WWOX: variants seen among roughly 807,000 people sequenced by gnomAD.
The protein encoded by WWOX is WW domain-containing oxidoreductase.
In WWOX, 69 loss-of-function variants were observed where a neutral mutation model predicts 46.2. The observed-to-expected ratio is 1.49, with a 90% CI of 1.23 to 1.82. The LOEUF (loss-of-function observed/expected upper bound fraction) is 1.82. WWOX is among the 40% of genes most tolerant of loss of function. The pLI, the probability that WWOX is intolerant of heterozygous loss-of-function variation, is 0.00. For missense variants in WWOX, 919 were observed against 542.6 expected, an observed-to-expected ratio of 1.69 and a Z score of -6.89; for synonymous variants, 359 against 202.6, an observed-to-expected ratio of 1.77 and a Z score of -6.56.
rs532134020 is a variant in WWOX, at chr16:78,550,069, G to A, written c.1056+117317G>A. Among the ~76,000 whole-genome samples the A allele has an allele frequency of 2.8e-4, 42 of 152,186 alleles. 1 individual carries two copies. The highest frequency in any genetic ancestry group is 9.6e-4 in the African/African-American group (40 of 41,502). ...ATGGTTGAATGAAGTTACCTGGTAGGGATTTAATCTTTATTTCAAAAAGAG... is the reference window on the plus strand; with the variant it reads ...ATGGTTGAATGAAGTTACCTGGTAGAGATTTAATCTTTATTTCAAAAAGAG... On this transcript the variant is annotated intron_variant, in intron 8 of 8. Coordinates refer to ENST00000566780, the MANE Select transcript of WWOX (RefSeq NM_016373.4).
intron 8 of WWOX, among the ~76,000 whole-genome samples, chr16:78,759,191 C>T (rs1027897634): frequency 2.0e-5 from 3 of 152,032 alleles, no homozygotes; most frequent in Non-Finnish European, 4.4e-5. Flanking sequence ...GAAGATTACA[C>T]GGAGAAGTGT....
intron 8 of WWOX, chr16:79,101,330 G>A (rs1362404394): frequency 1.3e-5 from 2 of 152,146 alleles, no homozygotes; most frequent in Admixed American, 6.5e-5. Flanking sequence ...TGGTCTCTCT[G>A]CTGACACAAG....
chr16:78,464,242 G>C (rs1306961454), intron 8 of WWOX, among the ~76,000 whole-genome samples: 1 of 151,884 alleles, frequency 6.6e-6, no homozygotes, highest in East Asian at 1.9e-4. Flanking sequence ...AAGAGAGGGA[G>C]AGACGGAGGG....
intron 8 of WWOX, among the ~76,000 whole-genome samples, chr16:79,191,783 A>G (rs374622965): frequency 1.3e-5 from 2 of 152,188 alleles, no homozygotes; most frequent in African/African-American, 4.8e-5. Context: ...TGGAAAATCC[A>G]CTGAATAAAT....
At chr16:79,189,075 A>G (rs927201310) in intron 8 of WWOX, among the ~76,000 whole-genome samples, 5 of 152,194 alleles carry the variant, frequency 3.3e-5, no homozygotes, top group Non-Finnish European at 7.3e-5. Flanking sequence ...AGATACGTGT[A>G]TATATAGAGA....
intron 8 of WWOX, among the ~76,000 whole-genome samples, chr16:78,553,882 C>T (rs766506712): frequency 4.0e-5 from 6 of 151,854 alleles, no homozygotes; most frequent in South Asian, 2.1e-4. Context: ...GAGGTTGGAA[C>T]GTGGGAGTTT....
chr16:78,902,869 A>G (rs1190176626), intron 8 of WWOX, among the ~76,000 whole-genome samples: 1 of 152,180 alleles, frequency 6.6e-6, no homozygotes, highest in Non-Finnish European at 1.5e-5. Flanking sequence ...CATCTAAAAT[A>G]CAAGGGAAAA....
At chr16:79,011,318 A>C (rs1231942418) in intron 8 of WWOX, among the ~76,000 whole-genome samples, 1 of 151,838 alleles carries the variant, frequency 6.6e-6, no homozygotes, top group African/African-American at 2.4e-5. Context: ...ACGTAGTATT[A>C]TCTAATATGC....
At chr16:78,991,507 G>A (rs1248132467) in intron 8 of WWOX, among the ~76,000 whole-genome samples, 2 of 151,228 alleles carry the variant, frequency 1.3e-5, no homozygotes, top group East Asian at 3.9e-4. Context: ...AGGCTGAGAT[G>A]GGAAGATGGC....
chr16:78,950,963 C>G (rs944331063), intron 8 of WWOX, among the ~76,000 whole-genome samples: 2 of 152,206 alleles, frequency 1.3e-5, no homozygotes, highest in African/African-American at 4.8e-5. Context: ...CCGGTTCTTT[C>G]CAGCCCCGCT....
chr16:78,970,553 C>T (rs1223367368), intron 8 of WWOX, among the ~76,000 whole-genome samples: 1 of 152,274 alleles, frequency 6.6e-6, no homozygotes, highest in East Asian at 1.9e-4. Flanking sequence ...TATAGACCCT[C>T]ACCAAGTATG....
intron 5 of WWOX, among the ~76,000 whole-genome samples, chr16:78,326,902 T>A (rs2080635732): frequency 2.0e-5 from 3 of 152,164 alleles, no homozygotes; most frequent in Non-Finnish European, 4.4e-5. Context: ...ATACTGAAGT[T>A]TCTCACCATG....
At chr16:79,148,017 T>G (rs1478174991) in intron 8 of WWOX, among the ~76,000 whole-genome samples, 1 of 152,212 alleles carries the variant, frequency 6.6e-6, no homozygotes, top group Admixed American at 6.5e-5. Flanking sequence ...TCTCTCAATC[T>G]ACAGCTTGTC....
At chr16:78,283,470 G>T (rs573237865) in intron 5 of WWOX, among the ~76,000 whole-genome samples, 1 of 152,228 alleles carries the variant, frequency 6.6e-6, no homozygotes, top group East Asian at 1.9e-4. Context: ...GGCTTTTCAG[G>T]ATGCTGTGCT....
At chr16:78,300,959 C>G (rs535515375) in intron 5 of WWOX, among the ~76,000 whole-genome samples, 3 of 152,050 alleles carry the variant, frequency 2.0e-5, no homozygotes, top group East Asian at 3.9e-4. Context: ...TACCCACTTA[C>G]CCATCCATCC....
At chr16:78,924,512 T>G (rs1006461494) in intron 8 of WWOX, among the ~76,000 whole-genome samples, 1 of 152,212 alleles carries the variant, frequency 6.6e-6, no homozygotes, top group Non-Finnish European at 1.5e-5. Context: ...ACTTGAGTAA[T>G]TTACTCAAGA....
intron 8 of WWOX, among the ~76,000 whole-genome samples, chr16:79,042,728 GT>G (rs11379084): frequency 3.6e-4 from 51 of 143,102 alleles, no homozygotes; most frequent in Non-Finnish European, 5.3e-4. Flanking sequence ...AATACTCAGG[GT>G]TTTTTTTTTT....
intron 6 of WWOX, among the ~76,000 whole-genome samples, chr16:78,420,651 ATTT>A (rs1555535929): frequency 7.2e-5 from 10 of 139,142 alleles, no homozygotes; most frequent in South Asian, 6.6e-4. Context: ...GTGATTGCTA[ATTT>A]TTTTTTTTTT....
chr16:79,019,880 C>T (rs1290634003), intron 8 of WWOX, among the ~76,000 whole-genome samples: 1 of 152,176 alleles, frequency 6.6e-6, no homozygotes, highest in African/African-American at 2.4e-5. Flanking sequence ...CCCTCGGATC[C>T]TCAATGTTCT....
Sources: gnomAD v4.1 joint callset for allele counts (sites outside exome capture counted in the v4.1 genomes callset) on GRCh38, gnomAD v4.1.1 for gene constraint, MANE v1.5 for transcripts, NCBI Gene and HGNC (gene_info 2026-07-23, HGNC 2026-07-21) for gene names.